The following ERCC4 variants were observed in gnomAD, a reference collection of about 807,000 sequenced individuals.
ERCC4 encodes DNA repair endonuclease XPF.
A neutral mutation model predicts 76.9 loss-of-function variants in ERCC4; 65 were observed. The observed-to-expected ratio is 0.84, with a 90% CI of 0.69 to 1.04. The LOEUF (loss-of-function observed/expected upper bound fraction) is 1.04, where lower values mean the gene tolerates loss of function less well. ERCC4 is among the 50% of genes least tolerant of loss of function. ERCC4 has a pLI of 0.00. For missense variants in ERCC4, 1,214 were observed against 1,128.2 expected (o/e 1.08, Z -1.09); for synonymous variants, 463 against 410.1 (o/e 1.13, Z -1.56).
In ERCC4 at chr16:13,935,337, C is replaced by T. The variant is rs777945955; in HGVS notation, c.1405C>T (p.Pro469Ser). The change falls in exon 8 of 11, where the codon CCT (proline) becomes TCT (serine). Residue 469 changes from proline (P) to serine (S), a missense_variant. By Grantham distance (74) the Pro-to-Ser change is moderately conservative. Transcript: ENST00000311895. ...SKRIRKSHKR[P>S]KDPQNKERAS... ...GAGAATTAGGAAATCTCACAAAAGA[C>T]CTAAAGACCCCCAAAACAAAGAACG... 6.2e-7 allele frequency: 1 copy of T among 1,612,090 alleles called. No homozygotes were observed. The highest frequency in any genetic ancestry group is 2.2e-5 in the East Asian group (1 of 44,868).
intron 10 of ERCC4, among the ~76,000 whole-genome samples, chr16:13,946,744 TTTTGTTTGTTTGTTTG>T (rs531878168): frequency 6.6e-6 from 1 of 151,084 alleles, no homozygotes; most frequent in East Asian, 1.9e-4. Context: ...ACATCTGTTT[TTTTGTTTGTTTGTTTG>T]TTTGTTTGTT....
At chr16:13,926,978 T>A (rs184763511) in intron 3 of ERCC4, among the ~76,000 whole-genome samples, 2 of 152,362 alleles carry the variant, frequency 1.3e-5, no homozygotes, top group East Asian at 3.9e-4. Context: ...TGGTTGCTTT[T>A]CTGCTGGTCC....
chr16:13,932,287 T>C lies in ERCC4; in HGVS notation c.1102+2T>C. On this transcript the variant is annotated splice_donor_variant, in intron 6 of 10. Transcript: ENST00000311895. LOFTEE classifies it high-confidence loss of function. Reference sequence around the variant, plus strand: ...AAATGGAAATTAAAGAAGGGGAAGGTATCTTGTGGGGTTAAGTCTTTAAAT... The same window carrying C: ...AAATGGAAATTAAAGAAGGGGAAGGCATCTTGTGGGGTTAAGTCTTTAAAT... The C allele has an allele frequency of 1.3e-6, 2 of 1,576,950 alleles. No individual in the cohort carries two copies. The highest frequency in any genetic ancestry group is 1.7e-6 in the Non-Finnish European group (2 of 1,147,086).
chr16:13,930,671 A>T, intron 4 of ERCC4, 39 bp from the exon 5 acceptor site: 1 of 1,411,356 alleles, frequency 7.1e-7, no homozygotes, highest in Non-Finnish European at 1.0e-6. Flanking sequence ...AACTATACTT[A>T]ACATATTTTA....
At chr16:13,933,027 C>G in intron 6 of ERCC4, 1 of 289,968 alleles carries the variant, frequency 3.4e-6, no homozygotes, top group Non-Finnish European at 6.5e-6. Context: ...GCCTGGGCAA[C>G]AGAGTGAGAC....
chr16:13,935,217 G>A lies in ERCC4; in HGVS notation c.1285G>A (p.Glu429Lys), dbSNP rs2032259728. 1.9e-6 allele frequency: 3 copies of A among 1,614,096 alleles called. No individual in the cohort carries two copies. Among genetic ancestry groups the A allele is most frequent in the South Asian group, 1.1e-5 (1 of 91,076 alleles). ...GAGAGACTATATCACTCTTGGAGCG[G>A]AGGCCTTCTTATTGAGGCTCTACAG... ...QLRDYITLGAEAFLLRLYRKT... is the reference protein window; with the variant it reads ...QLRDYITLGAKAFLLRLYRKT... Residue 429 changes from glutamate (E) to lysine (K), a missense_variant, in exon 8 of 11, where the codon GAG (glutamate) becomes AAG (lysine). Physicochemically the swap from Glu to Lys is moderately conservative, Grantham distance 56. Coordinates refer to ENST00000311895, the MANE Select transcript of ERCC4 (RefSeq NM_005236.3).
chr16:13,922,687 G>T, intron 2 of ERCC4: 1 of 427,098 alleles, frequency 2.3e-6, no homozygotes, highest in Non-Finnish European at 4.3e-6. Context: ...CATCTTGGAG[G>T]CACGGACCGG....
At chr16:13,945,791 C>G (rs3136211) in intron 10 of ERCC4, among the ~76,000 whole-genome samples, 37,163 of 152,042 alleles carry the variant, frequency 0.24, 4,838 homozygotes, top group Middle Eastern at 0.34. Context: ...TCATGAAGAA[C>G]GACAGAATGT....
chr16:13,927,722 A>C (rs2032098457), intron 3 of ERCC4: 3 of 365,150 alleles, frequency 8.2e-6, no homozygotes, highest in Non-Finnish European at 1.5e-5. Flanking sequence ...GTTATTGCCC[A>C]AAAACAAGTA....
At chr16:13,947,496 A>C in intron 10 of ERCC4, 118 bp from the exon 11 acceptor site, 1 of 1,047,550 alleles carries the variant, frequency 9.5e-7, no homozygotes, top group Non-Finnish European at 1.5e-6. Flanking sequence ...GAATATTACC[A>C]TATAGAATTA....
Position 13,945,952 on chromosome 16 carries a change from A to C in ERCC4, c.2017+1117A>C, listed in dbSNP as rs145547862. ...AACAGCACACATTTTATTATGTTAC[A>C]GTTCTGCAGGTTCAAAGTCCAAATG... On this transcript the variant is annotated intron_variant, in intron 10 of 10. Transcript: ENST00000311895. Among the ~76,000 whole-genome samples, 694 of 152,350 alleles carry C rather than the reference A, an allele frequency of 4.6e-3. 4 individuals are homozygous for C. The highest frequency in any genetic ancestry group is 0.016 in the African/African-American group (653 of 41,578).
chr16:13,937,521 A>G (rs2032323938), intron 8 of ERCC4, among the ~76,000 whole-genome samples: 1 of 152,122 alleles, frequency 6.6e-6, no homozygotes, highest in African/African-American at 2.4e-5. Flanking sequence ...TTCAGTGTTT[A>G]CCTAAACTCG....
chr16:13,946,668 A>G (rs189934672), intron 10 of ERCC4, among the ~76,000 whole-genome samples: 7 of 152,340 alleles, frequency 4.6e-5, no homozygotes, highest in Non-Finnish European at 1.0e-4. Context: ...CAGCATTAGC[A>G]TCACCTGGCA....
In ERCC4 at chr16:13,932,187, T is replaced by C. The variant is rs1458037304; in HGVS notation, c.1004T>C (p.Met335Thr). Residue 335 changes from methionine (M) to threonine (T), a missense_variant, in exon 6 of 11, where the codon ATG becomes ACG. Coordinates refer to ENST00000311895, the MANE Select transcript of ERCC4 (RefSeq NM_005236.3). ...GWLFLDSSTSMFINARARVYH... is the reference protein window; with the variant it reads ...GWLFLDSSTSTFINARARVYH... ...CTGTTTCTTGACTCCAGCACCTCGA[T>C]GTTTATAAATGCTCGAGCAAGGGTT... The C allele has an allele frequency of 3.1e-6, 5 of 1,612,798 alleles. No individual in the cohort carries two copies. The highest frequency in any genetic ancestry group is 1.3e-5 in the African/African-American group (1 of 74,912).
intron 4 of ERCC4, among the ~76,000 whole-genome samples, chr16:13,930,038 G>GA (rs1396620596): frequency 6.6e-6 from 1 of 151,966 alleles, no homozygotes; most frequent in African/African-American, 2.4e-5. Flanking sequence ...ATCCACTTTA[G>GA]AAAAAACACT....
chr16:13,933,467 G>A (rs932155535), intron 6 of ERCC4: 1 of 153,038 alleles, frequency 6.5e-6, no homozygotes, highest in Non-Finnish European at 1.5e-5. Flanking sequence ...CCAGTACTTT[G>A]GGAAGCCAGT....
At position 13,944,802 on chromosome 16, in the gene ERCC4, T is replaced by C. The variant is rs2020955; in HGVS notation, c.1984T>C (p.Ser662Pro). The C allele has an allele frequency of 0.012, 18,745 of 1,613,574 alleles. 1,719 individuals are homozygous for C. In the African/African-American group the frequency reaches 0.21, roughly 18 times the overall value. ...CTTAGACCTAGTAAGAGGCACAGCA[T>C]CTGCAGATGTTTCCACTGACACTCG... is the stretch of plus-strand genomic sequence containing the variant. ...TNLDLVRGTA[S>P]ADVSTDTRKA... Residue 662 changes from serine (S) to proline (P), a missense_variant, in exon 10 of 11, where the codon TCT (serine) becomes CCT (proline). Coordinates refer to ENST00000311895, the MANE Select transcript of ERCC4 (RefSeq NM_005236.3).
intron 5 of ERCC4, 31 bp downstream of exon 5, chr16:13,930,921 A>G (rs1417718208): frequency 2.0e-6 from 3 of 1,476,440 alleles, no homozygotes; most frequent in Non-Finnish European, 1.9e-6. Context: ...TAATATTCTA[A>G]GAGCTGATTT....
Position 13,949,171 on chromosome 16 carries a change from A to G in ERCC4, c.*824A>G. On this transcript the variant is annotated 3_prime_UTR_variant, in exon 11 of 11. Coordinates refer to ENST00000311895, the MANE Select transcript of ERCC4 (RefSeq NM_005236.3). ...ATGAATTACCTGTTTGCAAAAGTTAATGATGAAGGAGCTCTTAGAATTCTC... is the reference window on the plus strand; with the variant it reads ...ATGAATTACCTGTTTGCAAAAGTTAGTGATGAAGGAGCTCTTAGAATTCTC... 4.3e-6 allele frequency: 1 copy of G among 233,218 alleles called. No individual in the cohort carries two copies. The highest frequency in any genetic ancestry group is 8.5e-6 in the Non-Finnish European group (1 of 118,006). The allele number at this position is 233,218 out of a possible 1,614,324, so 14.4% of individuals were successfully genotyped here. A position where few individuals can be genotyped will look rare whatever the true frequency, so the allele number is the denominator to read the frequency against.
Sources: gnomAD v4.1 joint callset for allele counts (sites outside exome capture counted in the v4.1 genomes callset) on GRCh38, gnomAD v4.1.1 for gene constraint, MANE v1.5 for transcripts, NCBI Gene and HGNC (gene_info 2026-07-23, HGNC 2026-07-21) for gene names.